Variants in ADARB2 observed in about 807,000 individuals in gnomAD.
ADARB2 encodes the protein inactive double-stranded RNA-specific editase B2.
Under a neutral mutation model 62.2 loss-of-function variants are expected in ADARB2, and 25 were observed. That is an observed-to-expected ratio of 0.40 (90% CI 0.29 to 0.56). The LOEUF (loss-of-function observed/expected upper bound fraction) is 0.56. ADARB2 is among the 20% of genes least tolerant of loss of function. The pLI, the probability that ADARB2 is intolerant of heterozygous loss-of-function variation, is 0.43. For synonymous variants in ADARB2, 572 were observed against 500.8 expected (o/e 1.14, Z -1.90); for missense variants, 1,071 against 1,077.4 (o/e 0.99, Z 0.08).
At chr10:1,248,105 A>G (rs1831003382) in intron 4 of ADARB2, among the ~76,000 whole-genome samples, 1 of 152,202 alleles carries the variant, frequency 6.6e-6, no homozygotes, top group Admixed American at 6.5e-5. Flanking sequence ...AGTCAGGAAG[A>G]CAGGATGGGG....
At chr10:1,581,141 T>A (rs1037661026) in intron 1 of ADARB2, among the ~76,000 whole-genome samples, 1 of 152,228 alleles carries the variant, frequency 6.6e-6, no homozygotes, top group Non-Finnish European at 1.5e-5. Context: ...TCCTCGCCAA[T>A]ACACTGACTA....
intron 1 of ADARB2, among the ~76,000 whole-genome samples, chr10:1,476,634 C>T (rs190381371): frequency 7.9e-5 from 12 of 152,304 alleles, no homozygotes; most frequent in African/African-American, 1.9e-4. Context: ...ACTTCCCTAC[C>T]TTATCCTCTT....
intron 1 of ADARB2, chr10:1,556,870 G>A (rs759220411): frequency 9.5e-6 from 5 of 529,074 alleles, no homozygotes; most frequent in African/African-American, 1.9e-5. Flanking sequence ...CATGGGGGAA[G>A]GTTTGGTACC....
At chr10:1,702,359 G>A (rs565637315) in intron 1 of ADARB2, among the ~76,000 whole-genome samples, 3 of 152,246 alleles carry the variant, frequency 2.0e-5, no homozygotes, top group African/African-American at 4.8e-5. Context: ...TTTTAGAGAC[G>A]ACCCTCAAAC....
Position 1,690,707 on chromosome 10 carries a change from C to T in ADARB2, c.100+46344G>A, listed in dbSNP as rs17294075. 7.7e-3 allele frequency among the ~76,000 whole-genome samples: 1,170 copies of T among 152,260 alleles called. 10 individuals carry two copies. Among genetic ancestry groups the T allele is most frequent in the Middle Eastern group, 0.02 (6 of 294 alleles). ...CTTTGCACACCCCACGTCGAGGAAG[C>T]CCAAGGCCTGCTGACTGCACCCCGT... On this transcript the variant is annotated intron_variant, in intron 1 of 9. Coordinates refer to ENST00000381312, the MANE Select transcript of ADARB2 (RefSeq NM_018702.4).
At position 1,623,263 on chromosome 10, in the gene ADARB2, C is replaced by T. The variant is rs534498182; in HGVS notation, c.100+113788G>A. On this transcript the variant is annotated intron_variant, in intron 1 of 9. Transcript: ENST00000381312. The stretch of plus-strand genomic sequence containing the variant: ...CATGAAGCCCACATTCTCAAGAGGA[C>T]GTGAGGCGCATCCCAGGTGGTCATG... 3.9e-5 allele frequency among the ~76,000 whole-genome samples: 6 copies of T among 152,278 alleles called. No individual in the cohort carries two copies. In the East Asian group the frequency reaches 7.7e-4, roughly 20 times the overall value.
At position 1,181,702 on chromosome 10, in the gene ADARB2, C is replaced by T. The variant is rs1055305656; in HGVS notation, c.*1491G>A. 3 of 152,158 alleles carry T rather than the reference C, an allele frequency of 2.0e-5. No individual in the cohort carries two copies. The highest frequency in any genetic ancestry group is 2.1e-4 in the South Asian group (1 of 4,822). The allele number at this position is 152,158 out of a possible 1,614,324, so 9.4% of individuals were successfully genotyped here. A position where few individuals can be genotyped will look rare whatever the true frequency, so the allele number is the denominator to read the frequency against. Reference sequence around the variant, plus strand: ...TGGGGTGGTCAGCTGGGATTCTTTCCGGGAAGCCCACACCCCAGAGGTGGA... The same window carrying T: ...TGGGGTGGTCAGCTGGGATTCTTTCTGGGAAGCCCACACCCCAGAGGTGGA... On this transcript the variant is annotated 3_prime_UTR_variant, in exon 10 of 10. Transcript: ENST00000381312.
Position 1,181,675 on chromosome 10 carries a change from T to C in ADARB2, c.*1518A>G, listed in dbSNP as rs1042772450. 2 of 152,274 alleles carry C rather than the reference T, an allele frequency of 1.3e-5. No individual in the cohort carries two copies. Among genetic ancestry groups the C allele is most frequent in the African/African-American group, 4.8e-5 (2 of 41,476 alleles). 9.4% of individuals were successfully genotyped at this position (152,274 alleles called of 1,614,324 possible). A position where few individuals can be genotyped will look rare whatever the true frequency, so the allele number is the denominator to read the frequency against. ...ACAGCACAATGTTATTCTTGCACTT[T>C]CTGGGGTGGTCAGCTGGGATTCTTT... On this transcript the variant is annotated 3_prime_UTR_variant, in exon 10 of 10. Transcript: ENST00000381312.
intron 1 of ADARB2, among the ~76,000 whole-genome samples, chr10:1,506,227 GTT>G (rs779281143): frequency 2.0e-4 from 31 of 152,064 alleles, no homozygotes; most frequent in Non-Finnish European, 3.4e-4. Flanking sequence ...AACTGAATTT[GTT>G]TATAAAAGTT....
At chr10:1,622,494 A>G (rs1833715678) in intron 1 of ADARB2, among the ~76,000 whole-genome samples, 1 of 152,216 alleles carries the variant, frequency 6.6e-6, no homozygotes, top group Non-Finnish European at 1.5e-5. Flanking sequence ...CTCAGTAATG[A>G]CAAGAATCCA....
At chr10:1,727,621 C>G (rs1835182531) in intron 1 of ADARB2, among the ~76,000 whole-genome samples, 1 of 152,112 alleles carries the variant, frequency 6.6e-6, no homozygotes, top group African/African-American at 2.4e-5. Flanking sequence ...TTACAAAGAA[C>G]TTTCATTTGA....
At position 1,183,286 on chromosome 10, in the gene ADARB2, C is replaced by T. The variant is rs753247366; in HGVS notation, c.2127G>A (p.Val709=). The change falls in exon 10 of 10, where the codon GTG becomes GTA. Residue 709 remains valine (V), a synonymous_variant. Transcript: ENST00000381312. The part of the protein sequence containing the change: ...AKLGAHTYQS[V]KQQLFKAFQK... ...GAAAGGCCTTGAACAGCTGCTGTTT[C>T]ACAGACTGGTAGGTGTGCGCCCCCA... 5 of 1,614,194 alleles carry T rather than the reference C, an allele frequency of 3.1e-6. No individual in the cohort carries two copies. The South Asian group carries it at 5.5e-5, about 18-fold the overall frequency.
chr10:1,618,592 TG>T (rs1358864223), intron 1 of ADARB2, among the ~76,000 whole-genome samples: 1 of 152,046 alleles, frequency 6.6e-6, no homozygotes, highest in African/African-American at 2.4e-5. Flanking sequence ...TCACATATGC[TG>T]GAGTGCAGTG....
At chr10:1,227,857 C>A (rs1010347704) in intron 6 of ADARB2, among the ~76,000 whole-genome samples, 16 of 152,286 alleles carry the variant, frequency 1.1e-4, no homozygotes, top group African/African-American at 3.8e-4. Flanking sequence ...GTGAAGCAAC[C>A]TAGTATTCAT....
chr10:1,643,148 T>C (rs1588335699), intron 1 of ADARB2, among the ~76,000 whole-genome samples: 1 of 152,136 alleles, frequency 6.6e-6, no homozygotes, highest in Admixed American at 6.5e-5. Flanking sequence ...TTAAAACTCA[T>C]CTCTAATGGA....
chr10:1,359,421 C>T (rs1161345340), intron 3 of ADARB2, among the ~76,000 whole-genome samples: 18 of 152,270 alleles, frequency 1.2e-4, no homozygotes, highest in Non-Finnish European at 4.4e-5. Context: ...GAGAAACACC[C>T]CCGGGTGCAG....
intron 1 of ADARB2, among the ~76,000 whole-genome samples, chr10:1,404,770 C>A (rs1832692937): frequency 6.6e-6 from 1 of 152,160 alleles, no homozygotes; most frequent in South Asian, 2.1e-4. Context: ...CTGGACAGAC[C>A]CCTGAGGGAA....
Position 1,472,381 on chromosome 10 carries a change from C to T in ADARB2, c.101-93221G>A, listed in dbSNP as rs558065044. The stretch of plus-strand genomic sequence containing the variant: ...CTCTGTGCCATAGGGGCGAGGGCCA[C>T]GCGGCTCAGGGGTCAGCCAGGTGTG... On this transcript the variant is annotated intron_variant, in intron 1 of 9. Coordinates refer to ENST00000381312, the MANE Select transcript of ADARB2 (RefSeq NM_018702.4). Among the ~76,000 whole-genome samples, 12 of 150,700 alleles carry T rather than the reference C, an allele frequency of 8.0e-5. No individual in the cohort carries two copies. In the East Asian group the frequency reaches 1.2e-3, roughly 15 times the overall value.
rs1336211535 is a variant in ADARB2, at chr10:1,260,636, A to C, written c.1192+10319T>G. ...CTTCAAGGAGAAATACAAACCACTG[A>C]TCAAGGAAATAAAAGAGGATACAAA... On this transcript the variant is annotated intron_variant, in intron 4 of 9. Transcript: ENST00000381312. Among the ~76,000 whole-genome samples, 1,197 of 151,364 alleles carry C rather than the reference A, an allele frequency of 7.9e-3. 21 individuals are homozygous for C. Among genetic ancestry groups the C allele is most frequent in the African/African-American group, 0.027 (1,098 of 40,826 alleles).
Sources: allele counts gnomAD v4.1 joint callset (sites outside exome capture counted in the v4.1 genomes callset), GRCh38; gene constraint gnomAD v4.1.1; transcripts MANE v1.5; gene names NCBI Gene and HGNC (gene_info 2026-07-23, HGNC 2026-07-21).